Variants in CMTM1 observed in about 807,000 individuals in gnomAD.
The protein encoded by CMTM1 is CKLF-like MARVEL transmembrane domain-containing protein 1.
A neutral mutation model predicts 17.8 loss-of-function variants in CMTM1; 16 were observed. The ratio of observed to expected loss-of-function variants is 0.90; its 90% CI spans 0.61 to 1.37. The LOEUF is 1.37. CMTM1 is among the 40% of genes most tolerant of loss of function. The probability of loss-of-function intolerance (pLI) is 0.00; values close to 1 mark genes in which losing one functional copy is unlikely to be tolerated. For synonymous variants in CMTM1, 169 were observed against 154.6 expected, an observed-to-expected ratio of 1.09 and a Z score of -0.69; for missense variants, 354 against 375.6, an observed-to-expected ratio of 0.94 and a Z score of 0.47.
chr16:66,574,388 T>C (rs1411147894), intron 2 of CMTM1, among the ~76,000 whole-genome samples: 1 of 152,166 alleles, frequency 6.6e-6, no homozygotes, highest in Non-Finnish European at 1.5e-5. Flanking sequence ...TCATGGGCAC[T>C]CAAATCAGAC....
Position 66,579,128 on chromosome 16 carries a change from A to G in CMTM1, c.*127A>G. 7.9e-7 allele frequency: 1 copy of G among 1,262,004 alleles called. No individual in the cohort carries two copies. The highest frequency in any genetic ancestry group is 1.5e-5 in the South Asian group (1 of 66,392). The allele number at this position is 1,262,004 out of a possible 1,614,324, so 78.2% of individuals were successfully genotyped here. ...CCATAAAATTAGGGCTGCTGCTTTTATCGAGAACACCTGCTTCCTCTCGTT... is the reference window on the plus strand; with the variant it reads ...CCATAAAATTAGGGCTGCTGCTTTTGTCGAGAACACCTGCTTCCTCTCGTT... On this transcript the variant is annotated 3_prime_UTR_variant, in exon 4 of 4. Coordinates refer to ENST00000379500, the MANE Select transcript of CMTM1 (RefSeq NM_052999.4). This position sits in a 1 kb window ranked among gnomAD's most constrained non-coding sequence, Gnocchi z 6.5.
At chr16:66,577,299 T>A (rs1055252758) in intron 3 of CMTM1, 97 bp downstream of exon 3, 1 of 888,168 alleles carries the variant, frequency 1.1e-6, no homozygotes, top group Non-Finnish European at 1.8e-6. Flanking sequence ...CCAAGCAAAA[T>A]CCCCACTGCC....
rs1193140698 is a variant in CMTM1 at position 66,577,149 on chromosome 16, G to C, written c.637G>C (p.Ala213Pro). Reference protein sequence around the residue: ...IITAVFLSVVAILAMQEKKRR... With the variant: ...IITAVFLSVVPILAMQEKKRR... The stretch of plus-strand genomic sequence containing the variant: ...TACAGCTGTGTTCCTTTCAGTAGTT[G>C]CCATCTTGGCCATGCAAGAAAAGAA... Residue 213 changes from alanine to proline, a missense_variant, in exon 3 of 4, where the codon GCC becomes CCC. By Grantham distance (27) the Ala-to-Pro change is conservative (BLOSUM62 -1). Transcript: ENST00000379500. 7.4e-6 allele frequency: 12 copies of C among 1,613,882 alleles called. No individual in the cohort carries two copies. Among genetic ancestry groups the C allele is most frequent in the Non-Finnish European group, 8.5e-6 (10 of 1,179,968 alleles).
chr16:66,575,193 G>A (rs891593358), intron 2 of CMTM1: 1 of 985,374 alleles, frequency 1.0e-6, no homozygotes, highest in Non-Finnish European at 1.2e-6. Flanking sequence ...AGAACATCTG[G>A]AGTTTGCAGA....
At chr16:66,567,025 TC>T in intron 1 of CMTM1, 80 bp downstream of exon 1, 1 of 1,438,012 alleles carries the variant, frequency 7.0e-7, no homozygotes, top group Non-Finnish European at 9.7e-7. Flanking sequence ...GGGTGCCAGC[TC>T]CAGAAACCTT....
At chr16:66,577,044 T>C (rs1379333566) in intron 2 of CMTM1, 60 bp from the exon 3 acceptor site, 1 of 1,500,710 alleles carries the variant, frequency 6.7e-7, no homozygotes, top group Admixed American at 1.8e-5. Flanking sequence ...TTGACCAGTT[T>C]AAATATTTGT....
chr16:66,571,363 C>T, intron 2 of CMTM1: 1 of 344,354 alleles, frequency 2.9e-6, no homozygotes, highest in Non-Finnish European at 5.7e-6. Flanking sequence ...AGGTTATGGT[C>T]ACCCCTCACC....
In CMTM1 at chr16:66,566,966, A is replaced by G. The variant is rs2012529532; in HGVS notation, c.432+21A>G. 2 of 1,613,676 alleles carry G rather than the reference A, an allele frequency of 1.2e-6. No homozygotes were observed. The highest frequency in any genetic ancestry group is 3.3e-5 in the Admixed American group (2 of 59,976). ...GACTGGTGAGCGGAGAGCTGGTGAG[A>G]CCTAGCTGGGCGGATGTGGCCGGCA... On this transcript the variant is annotated intron_variant, in intron 1 of 3. Coordinates refer to ENST00000379500, the MANE Select transcript of CMTM1 (RefSeq NM_052999.4). This position sits in a 1 kb window ranked among gnomAD's most constrained non-coding sequence, Gnocchi z 4.9.
chr16:66,576,352 C>T (rs1235365285), intron 2 of CMTM1, among the ~76,000 whole-genome samples: 1 of 151,682 alleles, frequency 6.6e-6, no homozygotes, highest in East Asian at 1.9e-4. Flanking sequence ...GAGCCAAGAT[C>T]GCACCATTGC....
Position 66,566,825 on chromosome 16 carries a change from C to T in CMTM1, c.312C>T (p.Leu104=), listed in dbSNP as rs1597144558. Residue 104 remains leucine, a synonymous_variant, in exon 1 of 4, where the codon CTC becomes CTT. Coordinates refer to ENST00000379500, the MANE Select transcript of CMTM1 (RefSeq NM_052999.4). The surrounding 1 kb of genome is among the most constrained non-coding windows in gnomAD (Gnocchi z 4.9). ...CCTCTGCACACACTGAATCCAAACT[C>T]TTAAATGAGATGGCGATCAAAGAGC... is the stretch of plus-strand genomic sequence containing the variant. ...PTPSAHTESK[L]LNEMAIKERV... is the part of the protein sequence containing the mutation. The T allele has an allele frequency of 1.2e-6, 2 of 1,612,308 alleles. No individual in the cohort carries two copies. Among genetic ancestry groups the T allele is most frequent in the Non-Finnish European group, 1.7e-6 (2 of 1,179,954 alleles).
chr16:66,567,487 C>T (rs1296599545), intron 1 of CMTM1: 1 of 192,662 alleles, frequency 5.2e-6, no homozygotes. Context: ...GACATGAACT[C>T]ATCCTTTTTT....
rs1223729943 is a variant in CMTM1, at chr16:66,579,047, G to C, written c.*46G>C. The C allele has an allele frequency of 6.3e-7, 1 of 1,595,532 alleles. No individual in the cohort carries two copies. Among genetic ancestry groups the C allele is most frequent in the African/African-American group, 1.3e-5 (1 of 74,678 alleles). ...AGATGCACGTGTCTGTCGAATCGCT[G>C]CCTCCGAGCCCACCCCCGAGCTCGC... On this transcript the variant is annotated 3_prime_UTR_variant, in exon 4 of 4. Coordinates refer to ENST00000379500, the MANE Select transcript of CMTM1 (RefSeq NM_052999.4). This position sits in a 1 kb window ranked among gnomAD's most constrained non-coding sequence, Gnocchi z 6.5.
At chr16:66,567,227 A>G (rs777862472) in intron 1 of CMTM1, 20 of 509,118 alleles carry the variant, frequency 3.9e-5, no homozygotes, top group South Asian at 2.3e-4. Context: ...TTACATAGGT[A>G]TATACGCGCC....
chr16:66,569,085 C>G (rs1036276487), intron 1 of CMTM1, among the ~76,000 whole-genome samples: 22 of 152,020 alleles, frequency 1.4e-4, no homozygotes, highest in African/African-American at 4.3e-4. Context: ...CAACAGTCAT[C>G]AAAAATGATC....
chr16:66,571,552 T>A (rs548915054), intron 2 of CMTM1, among the ~76,000 whole-genome samples: 1 of 152,340 alleles, frequency 6.6e-6, no homozygotes, highest in Admixed American at 6.5e-5. Context: ...CTATCTCCAT[T>A]CTCCATTAAG....
In CMTM1 at chr16:66,566,503, A is replaced by AG; in HGVS notation, c.-8dup. The AG allele has an allele frequency of 6.3e-7, 1 of 1,588,388 alleles. No individual in the cohort carries two copies. The highest frequency in any genetic ancestry group is 8.6e-7 in the Non-Finnish European group (1 of 1,167,516). On this transcript the variant is annotated 5_prime_UTR_variant, in exon 1 of 4. Transcript: ENST00000379500. The surrounding 1 kb of genome is among the most constrained non-coding windows in gnomAD (Gnocchi z 4.9). ...GCACTGGTTCAGACGGCCAGGCCCT[A>AG]GGGACCCACCATGGATCCTGAACAC...
At chr16:66,572,635 C>G (rs758653472) in intron 2 of CMTM1, among the ~76,000 whole-genome samples, 5 of 152,098 alleles carry the variant, frequency 3.3e-5, no homozygotes, top group Non-Finnish European at 7.4e-5. Context: ...CTGTTTGAGT[C>G]GGGCTCTGCA....
At chr16:66,569,710 G>T (rs552921789) in intron 1 of CMTM1, among the ~76,000 whole-genome samples, 15 of 152,266 alleles carry the variant, frequency 9.9e-5, no homozygotes, top group African/African-American at 3.6e-4. Context: ...AGAGACTAAG[G>T]TTGGGTTGGG....
At chr16:66,575,842 A>G (rs2014165113) in intron 2 of CMTM1, among the ~76,000 whole-genome samples, 1 of 152,230 alleles carries the variant, frequency 6.6e-6, no homozygotes, top group Admixed American at 6.5e-5. Context: ...TGTGCCAGAA[A>G]GGCTGCCATT....
Sources: gnomAD v4.1 joint callset for allele counts (sites outside exome capture counted in the v4.1 genomes callset) on GRCh38, gnomAD v4.1.1 for gene constraint, Gnocchi (gnomAD v3.1) non-coding constraint, MANE v1.5 for transcripts, NCBI Gene and HGNC (gene_info 2026-07-23, HGNC 2026-07-21) for gene names.